The following CEP250 variants were observed in gnomAD, a reference collection of about 807,000 sequenced individuals.
The protein encoded by CEP250 is centrosome-associated protein CEP250.
CEP250 carries 242 observed loss-of-function variants against 315.7 expected under a neutral mutation model. The observed-to-expected ratio is 0.77, with a 90% CI of 0.69 to 0.85. The LOEUF (loss-of-function observed/expected upper bound fraction) is 0.85, where lower values mean the gene tolerates loss of function less well. Among genes scored for constraint, CEP250 ranks in the 40% least tolerant of loss-of-function variants. CEP250 has a pLI of 0.00. For synonymous variants in CEP250, 1,088 were observed against 1,175.0 expected (o/e 0.93, Z 1.51); for missense variants, 2,515 against 2,886.4 (o/e 0.87, Z 2.95).
At chr20:35,474,830 G>A (rs1347219432) in intron 14 of CEP250, 1 of 471,044 alleles carries the variant, frequency 2.1e-6, no homozygotes, top group Admixed American at 2.3e-5. Flanking sequence ...TTTGGAAAAC[G>A]CCAGCATAGA....
chr20:35,456,649 G>A (rs771316137), intron 1 of CEP250, among the ~76,000 whole-genome samples: 13 of 152,144 alleles, frequency 8.5e-5, no homozygotes, highest in Non-Finnish European at 1.9e-4. Flanking sequence ...CTGTGAGTTC[G>A]TAGTCCATGC....
In CEP250 at chr20:35,516,919, C is replaced by T. The variant is rs190419268; in HGVS notation, c.*5293C>T. Reference sequence around the variant, plus strand: ...TAGACCTCTGAGCAGACGGCAGAAACGTCAGCCACAGGTGAGCATAAGCTC... The same window carrying T: ...TAGACCTCTGAGCAGACGGCAGAAATGTCAGCCACAGGTGAGCATAAGCTC... On this transcript the variant is annotated 3_prime_UTR_variant, in exon 35 of 35. Transcript: ENST00000397527. 12 of 929,434 alleles carry T rather than the reference C, an allele frequency of 1.3e-5. No homozygotes were observed. Among genetic ancestry groups the T allele is most frequent in the East Asian group, 1.2e-4 (1 of 8,558 alleles). The allele number at this position is 929,434 out of a possible 1,614,324, so 57.6% of individuals were successfully genotyped here. A position where few individuals can be genotyped will look rare whatever the true frequency, so the allele number is the denominator to read the frequency against.
intron 24 of CEP250, 41 bp downstream of exon 24, chr20:35,494,698 G>A (rs2063789306): frequency 6.2e-7 from 1 of 1,610,200 alleles, no homozygotes; most frequent in Non-Finnish European, 8.5e-7. Context: ...TGTCTATCTG[G>A]CTGCCATGGT....
At position 35,516,345 on chromosome 20, in the gene CEP250, G is replaced by A. The variant is rs775096125; in HGVS notation, c.*4719G>A. The A allele has an allele frequency of 6.6e-6, 1 of 152,228 alleles. No homozygotes were observed. Among genetic ancestry groups the A allele is most frequent in the Non-Finnish European group, 1.5e-5 (1 of 68,044 alleles). 9.4% of individuals were successfully genotyped at this position (152,228 alleles called of 1,614,324 possible). A position where few individuals can be genotyped will look rare whatever the true frequency, so the allele number is the denominator to read the frequency against. On this transcript the variant is annotated 3_prime_UTR_variant, in exon 35 of 35. Transcript: ENST00000397527. ...TCCACACATTGCCCTTGCACCTCCT[G>A]TCTTGGTTTCCTATCAAAACCTCTC...
intron 4 of CEP250, among the ~76,000 whole-genome samples, chr20:35,463,295 C>T (rs1170579215): frequency 2.0e-5 from 3 of 152,106 alleles, no homozygotes; most frequent in Non-Finnish European, 2.9e-5. Flanking sequence ...CCCAGCTACT[C>T]GGGAGGCTGA....
chr20:35,473,544 T>C lies in CEP250; in HGVS notation c.1380T>C (p.Ser460=), dbSNP rs142139756. 40 of 1,611,470 alleles carry C rather than the reference T, an allele frequency of 2.5e-5. No individual in the cohort carries two copies. The African/African-American group carries it at 4.5e-4, about 18-fold the overall frequency. The change falls in exon 13 of 35, where the codon TCT becomes TCC. Residue 460 remains serine, a synonymous_variant. Coordinates refer to ENST00000397527, the MANE Select transcript of CEP250 (RefSeq NM_007186.6). ...QTVDLQGEVD[S]LSKERELLQK... ...TGGACCTCCAGGGAGAGGTGGACTC[T>C]CTCAGCAAGTGAGCAGACGGGCTGT...
chr20:35,512,785 C>G lies in CEP250; in HGVS notation c.*1159C>G, dbSNP rs918462300. 1 of 152,254 alleles carries G rather than the reference C, an allele frequency of 6.6e-6. No individual in the cohort carries two copies. Among genetic ancestry groups the G allele is most frequent in the Non-Finnish European group, 1.5e-5 (1 of 68,104 alleles). 9.4% of individuals were successfully genotyped at this position (152,254 alleles called of 1,614,324 possible). A position where few individuals can be genotyped will look rare whatever the true frequency, so the allele number is the denominator to read the frequency against. ...TCACATCTTACTGCAGCCTGAAACT[C>G]CTGGGCTCAAGTGATCCTCCCACCT... On this transcript the variant is annotated 3_prime_UTR_variant, in exon 35 of 35. Coordinates refer to ENST00000397527, the MANE Select transcript of CEP250 (RefSeq NM_007186.6).
At chr20:35,492,312 G>A (rs1430144555) in intron 22 of CEP250, among the ~76,000 whole-genome samples, 2 of 152,150 alleles carry the variant, frequency 1.3e-5, no homozygotes, top group East Asian at 1.9e-4. Flanking sequence ...GATTTATGGT[G>A]GGGAATGGGG....
chr20:35,455,923 T>C (rs567255883), intron 1 of CEP250, among the ~76,000 whole-genome samples, 172 bp downstream of exon 1: 94 of 152,304 alleles, frequency 6.2e-4, no homozygotes, highest in South Asian at 1.7e-3. Flanking sequence ...GAGACGGAGT[T>C]TCGCGCTTGT....
At chr20:35,467,127 A>AAC in intron 8 of CEP250, 55 bp downstream of exon 8, 8 of 1,099,536 alleles carry the variant, frequency 7.3e-6, no homozygotes, top group Non-Finnish European at 1.0e-5. Context: ...CTGGACTAAT[A>AAC]ACAGTGGGCT....
At chr20:35,480,247 C>A in intron 20 of CEP250, 102 bp downstream of exon 20, 1 of 1,262,580 alleles carries the variant, frequency 7.9e-7, no homozygotes, top group Non-Finnish European at 1.1e-6. Flanking sequence ...AATTTTGTAA[C>A]CAAGCTGTAA....
In CEP250 at chr20:35,504,464, G is replaced by C. The variant is rs370578505; in HGVS notation, c.6095G>C (p.Arg2032Pro). Reference protein sequence around the residue: ...QEGEIQDQDLRYQEDVQQLQQ... With the variant: ...QEGEIQDQDLPYQEDVQQLQQ... The stretch of plus-strand genomic sequence containing the variant: ...GGTGAGATCCAGGACCAGGATCTCC[G>C]ATACCAGGAGGATGTGCAGCAGCTG... Residue 2032 changes from arginine (R) to proline (P), a missense_variant, in exon 30 of 35, where the codon CGA becomes CCA. Transcript: ENST00000397527. 6.2e-7 allele frequency: 1 copy of C among 1,613,030 alleles called. No homozygotes were observed. The highest frequency in any genetic ancestry group is 8.5e-7 in the Non-Finnish European group (1 of 1,179,556).
In CEP250 at chr20:35,472,838, A is replaced by G. The variant is rs1039173879; in HGVS notation, c.1209+7A>G. The G allele has an allele frequency of 6.2e-7, 1 of 1,613,794 alleles. No individual in the cohort carries two copies. Among genetic ancestry groups the G allele is most frequent in the Middle Eastern group, 1.7e-4 (1 of 5,910 alleles). ...GAGACGCCAGGCTGTGCAGGTAGGA[A>G]CCCTCAGCATTCCACCTCAGTCACA... On this transcript the variant is annotated splice_region_variant and intron_variant, in intron 12 of 34. Transcript: ENST00000397527.
intron 1 of CEP250, among the ~76,000 whole-genome samples, chr20:35,457,095 T>C (rs1413034875): frequency 1.3e-5 from 2 of 152,172 alleles, no homozygotes. Context: ...TTTTTTGCTT[T>C]TTATATAGGT....
At position 35,473,451 on chromosome 20, in the gene CEP250, G is replaced by C; in HGVS notation, c.1287G>C (p.Glu429Asp). The change falls in exon 13 of 35, where the codon GAG becomes GAC. Residue 429 changes from glutamate to aspartate, a missense_variant. Transcript: ENST00000397527. ...LQQQHDQWEE[E>D]GKALRQRLQK... is the part of the protein sequence containing the mutation. ...AGCAGCATGATCAGTGGGAGGAAGA[G>C]GGCAAAGCCTTGAGACAGCGGCTGC... The C allele has an allele frequency of 6.2e-7, 1 of 1,614,216 alleles. No homozygotes were observed. Among genetic ancestry groups the C allele is most frequent in the African/African-American group, 1.3e-5 (1 of 75,060 alleles).
chr20:35,488,281 T>C (rs539530639), intron 20 of CEP250, among the ~76,000 whole-genome samples: 1 of 152,340 alleles, frequency 6.6e-6, no homozygotes, highest in East Asian at 1.9e-4. Flanking sequence ...ATTTTTACAG[T>C]TGGCTTTGGC....
intron 20 of CEP250, among the ~76,000 whole-genome samples, chr20:35,489,964 C>T (rs981025446): frequency 2.8e-4 from 42 of 152,130 alleles, no homozygotes; most frequent in African/African-American, 7.7e-4. Flanking sequence ...GGACCACTTG[C>T]GCCCAGGAGT....
At chr20:35,492,812 T>A (rs2063734266) in intron 22 of CEP250, among the ~76,000 whole-genome samples, 1 of 152,126 alleles carries the variant, frequency 6.6e-6, no homozygotes, top group Non-Finnish European at 1.5e-5. Flanking sequence ...ACTGCAACCT[T>A]CGCCTCCCAG....
At chr20:35,487,190 G>A (rs1022667250) in intron 20 of CEP250, among the ~76,000 whole-genome samples, 10 of 152,126 alleles carry the variant, frequency 6.6e-5, no homozygotes, top group Admixed American at 2.6e-4. Flanking sequence ...TTGGGAGGCC[G>A]CGCGTGGTGG....
Sources: allele counts gnomAD v4.1 joint callset (sites outside exome capture counted in the v4.1 genomes callset), GRCh38; gene constraint gnomAD v4.1.1; transcripts MANE v1.5; gene names NCBI Gene and HGNC (gene_info 2026-07-23, HGNC 2026-07-21).